The following NPAS3 variants were observed in gnomAD, a reference collection of about 807,000 sequenced individuals.
NPAS3 encodes neuronal PAS domain-containing protein 3.
A neutral mutation model predicts 73.1 loss-of-function variants in NPAS3; 14 were observed. That is an observed-to-expected ratio of 0.19 (90% CI 0.13 to 0.30). The LOEUF (loss-of-function observed/expected upper bound fraction) is 0.30. Among genes scored for constraint, NPAS3 ranks in the 10% least tolerant of loss-of-function variants. The pLI is 1.00. For synonymous variants in NPAS3, 620 were observed against 541.5 expected (o/e 1.14, Z -2.01); for missense variants, 1,096 against 1,250.0 (o/e 0.88, Z 1.86).
chr14:33,490,072 T>C (rs2139803857), intron 4 of NPAS3, among the ~76,000 whole-genome samples: 1 of 152,284 alleles, frequency 6.6e-6, no homozygotes, highest in South Asian at 2.1e-4. Context: ...AGGATCTTTT[T>C]ATCAAGAAAA....
intron 4 of NPAS3, among the ~76,000 whole-genome samples, chr14:33,518,679 C>T (rs759960232): frequency 3.3e-5 from 5 of 151,010 alleles, no homozygotes; most frequent in Non-Finnish European, 5.9e-5. Context: ...TTCCTCCACC[C>T]TTTCATCTCA....
intron 2 of NPAS3, among the ~76,000 whole-genome samples, chr14:33,142,384 C>T (rs935557244): frequency 4.6e-5 from 7 of 151,894 alleles, no homozygotes; most frequent in Middle Eastern, 6.3e-3. Context: ...CTGATGCTAG[C>T]TCTTAGTACA....
At chr14:32,978,110 T>TGG in intron 1 of NPAS3, among the ~76,000 whole-genome samples, 1 of 138,754 alleles carries the variant, frequency 7.2e-6, no homozygotes. Flanking sequence ...GAAGTGAAGA[T>TGG]GTGGGGGGGT....
chr14:33,120,853 A>G (rs1006825972), intron 2 of NPAS3, among the ~76,000 whole-genome samples: 1 of 152,118 alleles, frequency 6.6e-6, no homozygotes, highest in Admixed American at 6.5e-5. Flanking sequence ...CAGCTATTTT[A>G]GGACCTGCTA....
chr14:33,676,423 G>T, intron 6 of NPAS3, 38 bp downstream of exon 6: 1 of 1,511,544 alleles, frequency 6.6e-7, no homozygotes, highest in South Asian at 1.3e-5. Flanking sequence ...TTGGTGGGCA[G>T]GACCTTTGCC....
intron 4 of NPAS3, among the ~76,000 whole-genome samples, chr14:33,489,830 T>C (rs1221542449): frequency 6.6e-6 from 1 of 152,154 alleles, no homozygotes; most frequent in Non-Finnish European, 1.5e-5. Flanking sequence ...AATACTGTTT[T>C]ATGAGTCGGA....
At chr14:33,640,103 G>A (rs1403924052) in intron 5 of NPAS3, among the ~76,000 whole-genome samples, 1 of 151,928 alleles carries the variant, frequency 6.6e-6, no homozygotes, top group Admixed American at 6.6e-5. Context: ...CGTAATCCCA[G>A]CTACTCAGGA....
At chr14:32,938,500 AGAGAG>A (rs2035792382), upstream of NPAS3, among the ~76,000 whole-genome samples, 1 of 102,204 alleles carries the variant, frequency 9.8e-6, no homozygotes, top group Non-Finnish European at 2.1e-5. Flanking sequence ...AGAGAGAGAG[AGAGAG>A]AGAGAGAGAG....
intron 2 of NPAS3, among the ~76,000 whole-genome samples, chr14:33,076,913 T>C (rs1595388674): frequency 6.6e-6 from 1 of 152,348 alleles, no homozygotes; most frequent in South Asian, 2.1e-4. Flanking sequence ...TACAAAAAGT[T>C]TTTCTATATC....
At chr14:33,486,531 C>T (rs1175082704) in intron 4 of NPAS3, among the ~76,000 whole-genome samples, 7 of 152,184 alleles carry the variant, frequency 4.6e-5, no homozygotes, top group Non-Finnish European at 1.0e-4. Context: ...GCTGTAGATG[C>T]ACTAAACTCC....
chr14:33,031,549 G>A (rs1314409407), intron 1 of NPAS3, among the ~76,000 whole-genome samples: 8 of 152,204 alleles, frequency 5.3e-5, no homozygotes, highest in South Asian at 2.1e-4. Context: ...CTGGAGTGCA[G>A]TGGTGTGATC....
chr14:33,123,511 AG>A (rs2043310263), intron 2 of NPAS3, among the ~76,000 whole-genome samples: 1 of 152,214 alleles, frequency 6.6e-6, no homozygotes, highest in South Asian at 2.1e-4. Flanking sequence ...GGGTGGGGGC[AG>A]GGAGAAGGAG....
At chr14:33,093,475 G>A (rs955953671) in intron 2 of NPAS3, among the ~76,000 whole-genome samples, 1 of 152,348 alleles carries the variant, frequency 6.6e-6, no homozygotes, top group Non-Finnish European at 1.5e-5. Context: ...AACAACAGGT[G>A]CTGGAGACGA....
intron 1 of NPAS3, among the ~76,000 whole-genome samples, chr14:32,997,394 A>G (rs530087875): frequency 6.6e-6 from 1 of 152,240 alleles, no homozygotes; most frequent in East Asian, 1.9e-4. Flanking sequence ...AAATGTGAAG[A>G]TAGGAGATTT....
Position 33,662,541 on chromosome 14 carries a change from G to C in NPAS3, c.559-13670G>C, listed in dbSNP as rs989646340. 2.0e-4 allele frequency among the ~76,000 whole-genome samples: 30 copies of C among 152,342 alleles called. 1 individual carries two copies. Among genetic ancestry groups the C allele is most frequent in the African/African-American group, 6.3e-4 (26 of 41,580 alleles). On this transcript the variant is annotated intron_variant, in intron 5 of 11. Transcript: ENST00000356141. Reference sequence around the variant, plus strand: ...TTGAATCTATAAATTACCTTGGGCAGTATGGCCATTTTCACGATATTGATT... The same window carrying C: ...TTGAATCTATAAATTACCTTGGGCACTATGGCCATTTTCACGATATTGATT...
chr14:33,672,382 T>G (rs1017790496), intron 5 of NPAS3, among the ~76,000 whole-genome samples: 3 of 152,246 alleles, frequency 2.0e-5, no homozygotes, highest in Admixed American at 2.0e-4. Flanking sequence ...AAAAGAAATT[T>G]TTTTTTCAGG....
At chr14:33,370,286 G>A (rs927645239) in intron 4 of NPAS3, among the ~76,000 whole-genome samples, 1 of 152,136 alleles carries the variant, frequency 6.6e-6, no homozygotes, top group Non-Finnish European at 1.5e-5. Flanking sequence ...TTGCCATAAA[G>A]CACCAAAGAA....
chr14:32,994,467 T>G (rs1006275777), intron 1 of NPAS3, among the ~76,000 whole-genome samples: 1 of 151,908 alleles, frequency 6.6e-6, no homozygotes, highest in Non-Finnish European at 1.5e-5. Flanking sequence ...AGCCCCAAAT[T>G]TTTTTTTCAT....
chr14:33,042,952 A>G (rs2040392185), intron 1 of NPAS3, among the ~76,000 whole-genome samples: 1 of 152,166 alleles, frequency 6.6e-6, no homozygotes, highest in South Asian at 2.1e-4. Context: ...AAGAAACTGA[A>G]AATATGTACA....
Sources: allele counts gnomAD v4.1 joint callset (sites outside exome capture counted in the v4.1 genomes callset), GRCh38; gene constraint gnomAD v4.1.1; transcripts MANE v1.5; gene names NCBI Gene and HGNC (gene_info 2026-07-23, HGNC 2026-07-21).